Variants in MAML3 observed in about 807,000 individuals in gnomAD.
MAML3 encodes mastermind like transcriptional coactivator 3, also known as mastermind-like protein 3.
In MAML3, 27 loss-of-function variants were observed where a neutral mutation model predicts 101.9. The observed-to-expected ratio is 0.27, with a 90% CI of 0.20 to 0.37. The LOEUF (loss-of-function observed/expected upper bound fraction) is 0.37, where lower values mean the gene tolerates loss of function less well. MAML3 is among the 10% of genes least tolerant of loss of function. The pLI is 1.00. For synonymous variants in MAML3, 501 were observed against 555.9 expected, an observed-to-expected ratio of 0.90 and a Z score of 1.39; for missense variants, 1,316 against 1,444.9, an observed-to-expected ratio of 0.91 and a Z score of 1.45.
chr4:139,968,316 A>AAAAAAAAAAAGAAAAAAG (rs1734175524), intron 1 of MAML3, among the ~76,000 whole-genome samples: 2 of 151,720 alleles, frequency 1.3e-5, no homozygotes, highest in Non-Finnish European at 2.9e-5. Flanking sequence ...TCTTAAAAAA[A>AAAAAAAAAAAGAAAAAAG]AAAAAAAAAA....
chr4:139,788,189 C>T (rs1049192380), intron 2 of MAML3, among the ~76,000 whole-genome samples: 5 of 152,182 alleles, frequency 3.3e-5, no homozygotes, highest in Non-Finnish European at 7.3e-5. Flanking sequence ...ATTGAAAACT[C>T]AGTGAGAAAT....
chr4:139,956,667 A>G (rs1733922540), intron 1 of MAML3, among the ~76,000 whole-genome samples: 1 of 152,314 alleles, frequency 6.6e-6, no homozygotes, highest in Admixed American at 6.5e-5. Flanking sequence ...CCCTGCACAA[A>G]GCGATGGGGA....
At chr4:140,052,008 G>A (rs1727277322) in intron 1 of MAML3, among the ~76,000 whole-genome samples, 1 of 152,146 alleles carries the variant, frequency 6.6e-6, no homozygotes, top group South Asian at 2.1e-4. Flanking sequence ...CCGTCTCAGA[G>A]TTGCAATGGC....
intron 2 of MAML3, among the ~76,000 whole-genome samples, chr4:139,839,533 G>A (rs1217200071): frequency 6.6e-6 from 1 of 151,248 alleles, no homozygotes; most frequent in East Asian, 1.9e-4. Context: ...TCCCCAAGAG[G>A]AATCAACTTA....
chr4:140,079,391 T>G (rs1324632760), intron 1 of MAML3, among the ~76,000 whole-genome samples: 1 of 152,194 alleles, frequency 6.6e-6, no homozygotes, highest in Non-Finnish European at 1.5e-5. Flanking sequence ...TCTCCCAGGT[T>G]CAAGAGATTC....
chr4:139,720,514 G>C (rs1728192271), intron 4 of MAML3, among the ~76,000 whole-genome samples, 191 bp from the exon 5 acceptor site: 1 of 152,080 alleles, frequency 6.6e-6, no homozygotes, highest in Admixed American at 6.5e-5. Context: ...TTTTGAAAGT[G>C]TTAAAAAATA....
chr4:140,074,530 T>C (rs1311323703), intron 1 of MAML3, among the ~76,000 whole-genome samples: 1 of 152,226 alleles, frequency 6.6e-6, no homozygotes, highest in Non-Finnish European at 1.5e-5. Context: ...TGGAAAATTC[T>C]GCACCTGACC....
intron 1 of MAML3, among the ~76,000 whole-genome samples, chr4:139,914,853 T>C (rs1159906252): frequency 6.6e-6 from 1 of 152,206 alleles, no homozygotes; most frequent in Admixed American, 6.5e-5. Flanking sequence ...ACTGGAGACT[T>C]TGAGGTTTCA....
At chr4:139,771,972 G>A (rs982411749) in intron 2 of MAML3, among the ~76,000 whole-genome samples, 22 of 151,430 alleles carry the variant, frequency 1.5e-4, no homozygotes, top group Non-Finnish European at 2.2e-4. Flanking sequence ...GGGCGCGGTG[G>A]CTCACGCCTG....
chr4:139,870,603 G>C lies in MAML3; in HGVS notation c.2079+18754C>G, dbSNP rs915969076. 6.6e-5 allele frequency among the ~76,000 whole-genome samples: 10 copies of C among 152,094 alleles called. No individual in the cohort carries two copies. In the South Asian group the frequency reaches 2.1e-3, roughly 32 times the overall value. ...TCCTCATCTTGAGCCTTATTTCAAG[G>C]CTCCCTCTGTTCTAAATTCTGACCT... On this transcript the variant is annotated intron_variant, in intron 2 of 4. Coordinates refer to ENST00000509479, the MANE Select transcript of MAML3 (RefSeq NM_018717.5).
At chr4:140,139,863 T>C (rs552165210) in intron 1 of MAML3, among the ~76,000 whole-genome samples, 2 of 152,272 alleles carry the variant, frequency 1.3e-5, no homozygotes, top group South Asian at 4.1e-4. Context: ...AAAGAAAACA[T>C]TCTAGTGCTA....
chr4:139,726,657 A>G (rs1043029922), intron 3 of MAML3, among the ~76,000 whole-genome samples: 3 of 151,070 alleles, frequency 2.0e-5, no homozygotes, highest in African/African-American at 7.2e-5. Context: ...ATGAAGCCAC[A>G]CTGCCTGTAA....
chr4:139,777,850 C>T lies in MAML3; in HGVS notation c.2080-47183G>A, dbSNP rs1730120872. Among the ~76,000 whole-genome samples, 8 of 152,230 alleles carry T rather than the reference C, an allele frequency of 5.3e-5. No homozygotes were observed. In the South Asian group the frequency reaches 1.7e-3, roughly 32 times the overall value. On this transcript the variant is annotated intron_variant, in intron 2 of 4. Coordinates refer to ENST00000509479, the MANE Select transcript of MAML3 (RefSeq NM_018717.5). ...CTGCTGAACCCTTATCTTACCCACC[C>T]TTCTCTCCCTGCTGCTCTCTTGAGC...
At chr4:139,894,475 A>C (rs1732564797) in intron 1 of MAML3, among the ~76,000 whole-genome samples, 1 of 151,422 alleles carries the variant, frequency 6.6e-6, no homozygotes, top group Non-Finnish European at 1.5e-5. Context: ...GTGCCACTGC[A>C]CTCTAGCCTG....
At chr4:140,032,605 A>G (rs1726925085) in intron 1 of MAML3, among the ~76,000 whole-genome samples, 1 of 152,204 alleles carries the variant, frequency 6.6e-6, no homozygotes, top group Non-Finnish European at 1.5e-5. Context: ...TACTGAAAGT[A>G]TTAGACTCAC....
chr4:140,102,172 A>C (rs1241661164), intron 1 of MAML3, among the ~76,000 whole-genome samples: 2 of 152,214 alleles, frequency 1.3e-5, no homozygotes, highest in Non-Finnish European at 2.9e-5. Flanking sequence ...ATCTATGAGA[A>C]GGCATGAATT....
Position 140,079,658 on chromosome 4 carries a change from C to T in MAML3, c.468+73202G>A, listed in dbSNP as rs116676238. Among the ~76,000 whole-genome samples the T allele has an allele frequency of 5.7e-3, 870 of 152,210 alleles. 9 individuals are homozygous for T. The highest frequency in any genetic ancestry group is 0.02 in the African/African-American group (822 of 41,522). On this transcript the variant is annotated intron_variant, in intron 1 of 4. Transcript: ENST00000509479. ...AAACTAAAGAGTAAACAACTCCCATCCCCCCAAAAATCCTAAGAATACTAA... is the reference window on the plus strand; with the variant it reads ...AAACTAAAGAGTAAACAACTCCCATTCCCCCAAAAATCCTAAGAATACTAA...
chr4:140,114,930 C>T (rs1038987202), intron 1 of MAML3, among the ~76,000 whole-genome samples: 2 of 152,100 alleles, frequency 1.3e-5, no homozygotes, highest in South Asian at 2.1e-4. Flanking sequence ...TTTACAGTTG[C>T]CCCAATTCTT....
At position 139,768,963 on chromosome 4, in the gene MAML3, A is replaced by T. The variant is rs147946407; in HGVS notation, c.2080-38296T>A. Among the ~76,000 whole-genome samples, 622 of 152,268 alleles carry T rather than the reference A, an allele frequency of 4.1e-3. 6 individuals carry two copies. Among genetic ancestry groups the T allele is most frequent in the African/African-American group, 0.014 (576 of 41,564 alleles). ...ATTGACAGAAGGTGTACATGACTCT[A>T]CGGGAATGGGGAAATGGCAGCACCA... On this transcript the variant is annotated intron_variant, in intron 2 of 4. Coordinates refer to ENST00000509479, the MANE Select transcript of MAML3 (RefSeq NM_018717.5).
Sources: allele counts gnomAD v4.1 joint callset (sites outside exome capture counted in the v4.1 genomes callset), GRCh38; gene constraint gnomAD v4.1.1; transcripts MANE v1.5; gene names NCBI Gene and HGNC (gene_info 2026-07-23, HGNC 2026-07-21).